Variants in TNFSF4 observed in about 807,000 individuals in gnomAD.
TNFSF4 encodes tumor necrosis factor ligand superfamily member 4.
A neutral mutation model predicts 7.3 loss-of-function variants in TNFSF4; 4 were observed. That is an observed-to-expected ratio of 0.55 (90% CI 0.27 to 1.25). TNFSF4 has a LOEUF of 1.25. Ranked by LOEUF, TNFSF4 falls within the 50% of genes most tolerant of loss-of-function variation. The pLI is 0.12. For synonymous variants in TNFSF4, 76 were observed against 83.7 expected (o/e 0.91, Z 0.50); for missense variants, 181 against 208.8 (o/e 0.87, Z 0.82).
chr1:173,402,596 C>T, the TNFSF4 span, among the ~76,000 whole-genome samples: 71 of 152,306 alleles, frequency 4.7e-4, no homozygotes, highest in African/African-American at 1.6e-3. Context: ...GGGTACAAAT[C>T]TCACCTTTCC....
At chr1:173,412,894 T>C in the TNFSF4 span, among the ~76,000 whole-genome samples, 1 of 152,150 alleles carries the variant, frequency 6.6e-6, no homozygotes, top group African/African-American at 2.4e-5. Flanking sequence ...TTGTACACTT[T>C]GCAACAGATA....
the TNFSF4 span, chr1:173,363,415 A>T: frequency 1.5e-4 from 51 of 336,316 alleles, no homozygotes; most frequent in South Asian, 1.6e-3. Context: ...CCTTTCCCAT[A>T]TCTCTCCATC....
the TNFSF4 span, among the ~76,000 whole-genome samples, chr1:173,414,701 G>C: frequency 6.6e-6 from 1 of 152,232 alleles, no homozygotes; most frequent in African/African-American, 2.4e-5. Flanking sequence ...GTGACTGTCT[G>C]CCAGTCAGCC....
chr1:173,188,302 G>T (rs1455050329), intron 2 of TNFSF4, among the ~76,000 whole-genome samples: 1 of 152,222 alleles, frequency 6.6e-6, no homozygotes, highest in African/African-American at 2.4e-5. Flanking sequence ...TTAGTACAGA[G>T]ACAAGCACAT....
At chr1:173,256,886 A>T in the TNFSF4 span, among the ~76,000 whole-genome samples, 1 of 152,256 alleles carries the variant, frequency 6.6e-6, no homozygotes, top group Non-Finnish European at 1.5e-5. Context: ...TTGAATTCAT[A>T]GCTCTTCAAA....
intron 1 of TNFSF4, among the ~76,000 whole-genome samples, chr1:173,195,325 A>G (rs1269252287): frequency 6.6e-6 from 1 of 152,236 alleles, no homozygotes; most frequent in East Asian, 1.9e-4. Flanking sequence ...CCAATGTTGC[A>G]GGGTTGCCTA....
chr1:173,244,371 G>C, the TNFSF4 span, among the ~76,000 whole-genome samples: 28 of 152,128 alleles, frequency 1.8e-4, no homozygotes, highest in Non-Finnish European at 2.8e-4. Context: ...GGCCGGGCGC[G>C]GTGGCTCACG....
the TNFSF4 span, among the ~76,000 whole-genome samples, chr1:173,307,519 A>AT: frequency 2.0e-5 from 3 of 151,946 alleles, no homozygotes; most frequent in African/African-American, 7.2e-5. Context: ...GGAAAAAAAA[A>AT]GTTTTTCTAT....
the TNFSF4 span, among the ~76,000 whole-genome samples, chr1:173,283,089 T>C: frequency 6.6e-6 from 1 of 152,190 alleles, no homozygotes; most frequent in African/African-American, 2.4e-5. Flanking sequence ...AAGTTACTCA[T>C]TCAATGAATC....
At chr1:173,409,089 T>G in the TNFSF4 span, among the ~76,000 whole-genome samples, 1 of 152,204 alleles carries the variant, frequency 6.6e-6, no homozygotes, top group Non-Finnish European at 1.5e-5. Flanking sequence ...ACAGCATCAC[T>G]TCTCTGCTAT....
At chr1:173,233,333 A>C in the TNFSF4 span, among the ~76,000 whole-genome samples, 5 of 152,216 alleles carry the variant, frequency 3.3e-5, no homozygotes, top group East Asian at 9.6e-4. Flanking sequence ...ACTATGTGAA[A>C]AGACCAAATC....
At chr1:173,202,332 G>C (rs1649981319) in intron 1 of TNFSF4, among the ~76,000 whole-genome samples, 1 of 152,086 alleles carries the variant, frequency 6.6e-6, no homozygotes, top group African/African-American at 2.4e-5. Context: ...AAATTATTCT[G>C]TCCTATTTTG....
the TNFSF4 span, among the ~76,000 whole-genome samples, chr1:173,216,504 A>T: frequency 6.6e-6 from 1 of 152,212 alleles, no homozygotes; most frequent in Non-Finnish European, 1.5e-5. Flanking sequence ...GGAAAAAAAT[A>T]AATTATTAAT....
At chr1:173,445,646 C>A in the TNFSF4 span, among the ~76,000 whole-genome samples, 1 of 152,126 alleles carries the variant, frequency 6.6e-6, no homozygotes, top group East Asian at 1.9e-4. Context: ...CCACATAGCA[C>A]CCAAAATGGT....
At chr1:173,303,665 AC>A in the TNFSF4 span, among the ~76,000 whole-genome samples, 194 of 152,044 alleles carry the variant, frequency 1.3e-3, no homozygotes, top group Non-Finnish European at 2.2e-3. Flanking sequence ...AACGTAAAAA[AC>A]ATCCCACAAA....
chr1:173,368,048 C>T, the TNFSF4 span, among the ~76,000 whole-genome samples: 1 of 152,136 alleles, frequency 6.6e-6, no homozygotes, highest in African/African-American at 2.4e-5. Flanking sequence ...GTAAAATGCA[C>T]CAATCAGCAC....
At chr1:173,407,873 T>C in the TNFSF4 span, among the ~76,000 whole-genome samples, 1 of 152,034 alleles carries the variant, frequency 6.6e-6, no homozygotes, top group Non-Finnish European at 1.5e-5. Flanking sequence ...ATCCCCAGAG[T>C]GATGGTATTA....
At chr1:173,384,489 T>C in the TNFSF4 span, among the ~76,000 whole-genome samples, 4 of 152,198 alleles carry the variant, frequency 2.6e-5, no homozygotes, top group African/African-American at 7.2e-5. Flanking sequence ...AACACATTTA[T>C]TTTATAAAAA....
chr1:173,274,945 T>C, the TNFSF4 span, among the ~76,000 whole-genome samples: 11 of 152,128 alleles, frequency 7.2e-5, no homozygotes, highest in Non-Finnish European at 1.2e-4. Flanking sequence ...CCTGAGTTAA[T>C]TGCCTGTTCA....
Sources: allele counts gnomAD v4.1 joint callset (sites outside exome capture counted in the v4.1 genomes callset), GRCh38; gene constraint gnomAD v4.1.1; transcripts MANE v1.5; gene names NCBI Gene and HGNC (gene_info 2026-07-23, HGNC 2026-07-21).